Variants in TBC1D5 observed in about 807,000 individuals in gnomAD.
TBC1D5 encodes the protein TBC1 domain family, member 5.
Under a neutral mutation model 100.3 loss-of-function variants are expected in TBC1D5, and 75 were observed. That is an observed-to-expected ratio of 0.75 (90% CI 0.62 to 0.91). The LOEUF (loss-of-function observed/expected upper bound fraction) is 0.91. Ranked by LOEUF, TBC1D5 falls within the 40% of genes least tolerant of loss-of-function variation. TBC1D5 has a pLI of 0.00. For missense variants in TBC1D5, 910 were observed against 942.4 expected, an observed-to-expected ratio of 0.97 and a Z score of 0.45; for synonymous variants, 323 against 325.6, an observed-to-expected ratio of 0.99 and a Z score of 0.09.
chr3:17,355,440 A>G (rs2091124600), intron 13 of TBC1D5, among the ~76,000 whole-genome samples: 1 of 152,166 alleles, frequency 6.6e-6, no homozygotes, highest in Non-Finnish European at 1.5e-5. Flanking sequence ...GTGAATTAGT[A>G]TCTTGTAGGA....
chr3:17,196,548 C>T (rs2070712533), intron 18 of TBC1D5, among the ~76,000 whole-genome samples: 1 of 152,206 alleles, frequency 6.6e-6, no homozygotes, highest in Non-Finnish European at 1.5e-5. Context: ...CCCTACAGGG[C>T]ATACCTTAAA....
chr3:17,576,429 G>A (rs1409201789), intron 2 of TBC1D5: 1 of 151,984 alleles, frequency 6.6e-6, no homozygotes, highest in African/African-American at 2.4e-5. Flanking sequence ...TAGAGAATCT[G>A]GATAGTAGCA....
intron 1 of TBC1D5, among the ~76,000 whole-genome samples, chr3:17,698,452 C>G (rs1031590472): frequency 1.3e-5 from 2 of 152,002 alleles, no homozygotes; most frequent in African/African-American, 4.8e-5. Flanking sequence ...AGAAGAAAAC[C>G]TAGGCATTGC....
intron 4 of TBC1D5, among the ~76,000 whole-genome samples, chr3:17,413,818 G>T (rs2093997778): frequency 1.3e-5 from 2 of 152,308 alleles, no homozygotes; most frequent in South Asian, 4.1e-4. Context: ...CAATGTGTTT[G>T]TGGGCTAACT....
intron 3 of TBC1D5, among the ~76,000 whole-genome samples, chr3:17,502,784 G>T (rs2095800944): frequency 6.7e-6 from 1 of 149,344 alleles, no homozygotes; most frequent in East Asian, 1.9e-4. Flanking sequence ...CTCAATACTG[G>T]CATTATCACA....
At chr3:17,593,599 G>A (rs925094225) in intron 2 of TBC1D5, among the ~76,000 whole-genome samples, 3 of 152,166 alleles carry the variant, frequency 2.0e-5, no homozygotes, top group Non-Finnish European at 2.9e-5. Context: ...TGCACGCAAT[G>A]CTTCTGCCAA....
chr3:17,280,187 T>C (rs1365557593), intron 15 of TBC1D5, among the ~76,000 whole-genome samples: 1 of 152,070 alleles, frequency 6.6e-6, no homozygotes, highest in Non-Finnish European at 1.5e-5. Context: ...ACTATAGAGA[T>C]GGGGGCAGGG....
intron 17 of TBC1D5, among the ~76,000 whole-genome samples, chr3:17,218,750 G>C (rs916194108): frequency 2.6e-5 from 4 of 151,880 alleles, no homozygotes; most frequent in African/African-American, 9.7e-5. Flanking sequence ...TTAACTCTCT[G>C]GTTTTTGATG....
At chr3:17,361,797 G>A (rs867695323) in intron 13 of TBC1D5, among the ~76,000 whole-genome samples, 2 of 152,134 alleles carry the variant, frequency 1.3e-5, no homozygotes, top group African/African-American at 4.8e-5. Flanking sequence ...AGAAAGGTCT[G>A]AAGTCAATAA....
intron 1 of TBC1D5, among the ~76,000 whole-genome samples, chr3:17,713,343 G>A (rs907078057): frequency 4.6e-5 from 7 of 151,164 alleles, no homozygotes; most frequent in African/African-American, 1.5e-4. Context: ...CAGGGTTCAC[G>A]CCATTCTCCT....
intron 1 of TBC1D5, among the ~76,000 whole-genome samples, chr3:17,727,601 T>C (rs1035354922): frequency 6.6e-6 from 1 of 152,160 alleles, no homozygotes; most frequent in Non-Finnish European, 1.5e-5. Flanking sequence ...ATGATTTTGC[T>C]AGAAAAACAC....
chr3:17,283,610 A>C (rs982407836), intron 15 of TBC1D5, among the ~76,000 whole-genome samples: 15 of 152,170 alleles, frequency 9.9e-5, no homozygotes, highest in African/African-American at 3.6e-4. Context: ...GTGCTTACCA[A>C]GGGAGAAATT....
chr3:17,685,113 C>T (rs1025202088), intron 1 of TBC1D5, among the ~76,000 whole-genome samples: 1 of 151,776 alleles, frequency 6.6e-6, no homozygotes, highest in African/African-American at 2.4e-5. Flanking sequence ...AATGAGTATG[C>T]ACATAATACA....
intron 1 of TBC1D5, among the ~76,000 whole-genome samples, chr3:17,719,710 A>C (rs1305072835): frequency 6.6e-6 from 1 of 152,204 alleles, no homozygotes; most frequent in Non-Finnish European, 1.5e-5. Context: ...TAGAGGACAT[A>C]AAACAGAGGC....
intron 3 of TBC1D5, among the ~76,000 whole-genome samples, chr3:17,484,455 GGTGTGTGT>G (rs34847216): frequency 2.8e-4 from 31 of 111,526 alleles, no homozygotes; most frequent in Middle Eastern, 4.1e-3. Flanking sequence ...GTAACACCAG[GGTGTGTGT>G]GTGTGTGTGT....
intron 2 of TBC1D5, among the ~76,000 whole-genome samples, chr3:17,540,905 CAAAA>C (rs71634807): frequency 4.5e-4 from 14 of 31,454 alleles, no homozygotes; most frequent in African/African-American, 2.3e-3. Flanking sequence ...GGCTCCATCT[CAAAA>C]AAAAAAAAAA....
intron 8 of TBC1D5, among the ~76,000 whole-genome samples, chr3:17,391,281 C>T (rs1376815591): frequency 6.6e-6 from 1 of 151,992 alleles, no homozygotes; most frequent in African/African-American, 2.4e-5. Flanking sequence ...TGAAGGAGGA[C>T]CGTAAAGCAG....
chr3:17,491,057 T>C (rs762878663), intron 3 of TBC1D5, among the ~76,000 whole-genome samples: 5 of 152,200 alleles, frequency 3.3e-5, no homozygotes, highest in Non-Finnish European at 7.3e-5. Context: ...AGATATTTTA[T>C]TATCTTGTTA....
At chr3:17,721,930 C>A (rs1222519808) in intron 1 of TBC1D5, among the ~76,000 whole-genome samples, 1 of 151,750 alleles carries the variant, frequency 6.6e-6, no homozygotes, top group Admixed American at 6.6e-5. Context: ...TGCAGTGAGC[C>A]GAGATCACGC....
Sources: allele counts gnomAD v4.1 joint callset (sites outside exome capture counted in the v4.1 genomes callset), GRCh38; gene constraint gnomAD v4.1.1; transcripts MANE v1.5; gene names NCBI Gene and HGNC (gene_info 2026-07-23, HGNC 2026-07-21).